RBM11: variants seen among roughly 807,000 people sequenced by gnomAD.
RBM11 encodes the protein RNA binding motif protein 11, also known as splicing regulator RBM11.
A neutral mutation model predicts 21.4 loss-of-function variants in RBM11; 18 were observed. That is an observed-to-expected ratio of 0.84 (90% CI 0.58 to 1.25). The LOEUF (loss-of-function observed/expected upper bound fraction) is 1.25. Among genes scored for constraint, RBM11 ranks in the 50% most tolerant of loss-of-function variants. The probability of loss-of-function intolerance (pLI) is 0.00; values close to 1 mark genes in which losing one functional copy is unlikely to be tolerated. For synonymous variants in RBM11, 120 were observed against 116.3 expected, an observed-to-expected ratio of 1.03 and a Z score of -0.20; for missense variants, 294 against 331.9, an observed-to-expected ratio of 0.89 and a Z score of 0.89.
At chr21:14,220,611 A>G (rs1978589211) in intron 2 of RBM11, among the ~76,000 whole-genome samples, 1 of 152,280 alleles carries the variant, frequency 6.6e-6, no homozygotes, top group East Asian at 1.9e-4. Context: ...GTTAACTTAC[A>G]CAACCTGGTA....
chr21:14,225,746 AT>A (rs1979035310), intron 4 of RBM11, among the ~76,000 whole-genome samples: 1 of 152,120 alleles, frequency 6.6e-6, no homozygotes, highest in Non-Finnish European at 1.5e-5. Flanking sequence ...TCATCGAAGC[AT>A]TTTTTATCTT....
intron 3 of RBM11, among the ~76,000 whole-genome samples, chr21:14,223,154 G>C (rs931514871): frequency 2.4e-4 from 37 of 152,248 alleles, no homozygotes; most frequent in African/African-American, 8.9e-4. Flanking sequence ...AGAGTAGACA[G>C]CCTGAGTTAT....
intron 3 of RBM11, among the ~76,000 whole-genome samples, chr21:14,222,660 GT>G (rs1185761981): frequency 2.0e-5 from 3 of 152,266 alleles, no homozygotes; most frequent in African/African-American, 7.2e-5. Flanking sequence ...GAATTTGCAT[GT>G]TAGCTCTGCC....
At position 14,226,636 on chromosome 21, in the gene RBM11, C is replaced by A. The variant is rs200996909; in HGVS notation, c.433-244C>A. 1.2e-3 allele frequency among the ~76,000 whole-genome samples: 156 copies of A among 134,378 alleles called. 11 individuals are homozygous for A. The highest frequency in any genetic ancestry group is 3.9e-4 in the African/African-American group (14 of 35,996). The allele number at this position is 134,378 out of a possible 152,430, so 88.2% of individuals were successfully genotyped here. ...CCCTGTCTCAAAAAAAAAAAAAAAA[C>A]AAACAAAAACTATTTCCATTGGATA... On this transcript the variant is annotated intron_variant, in intron 4 of 4. Coordinates refer to ENST00000400577, the MANE Select transcript of RBM11 (RefSeq NM_144770.5).
chr21:14,224,044 T>G (rs1472838517), intron 3 of RBM11, among the ~76,000 whole-genome samples: 1 of 152,154 alleles, frequency 6.6e-6, no homozygotes, highest in African/African-American at 2.4e-5. Context: ...GTTTGTTATA[T>G]AATACCAGTT....
At chr21:14,220,770 C>CA (rs886567767) in intron 2 of RBM11, among the ~76,000 whole-genome samples, 1 of 152,110 alleles carries the variant, frequency 6.6e-6, no homozygotes, top group Non-Finnish European at 1.5e-5. Context: ...ACACTGGAAA[C>CA]AAATAACACT....
In RBM11 at chr21:14,224,547, A is replaced by G. The variant is rs1200837075; in HGVS notation, c.432+10A>G. The G allele has an allele frequency of 2.6e-6, 4 of 1,544,252 alleles. No individual in the cohort carries two copies. The highest frequency in any genetic ancestry group is 1.4e-5 in the African/African-American group (1 of 72,592). On this transcript the variant is annotated intron_variant, in intron 4 of 4. Coordinates refer to ENST00000400577, the MANE Select transcript of RBM11 (RefSeq NM_144770.5). The stretch of plus-strand genomic sequence containing the variant: ...TCTCTTTCAGAAGATGGTAAGTTTA[A>G]TATGCATTTTATTTAGTATATAATA...
At chr21:14,225,945 T>A (rs1258684570) in intron 4 of RBM11, among the ~76,000 whole-genome samples, 1 of 152,012 alleles carries the variant, frequency 6.6e-6, no homozygotes, top group Non-Finnish European at 1.5e-5. Context: ...AAGCTGAGTT[T>A]TAAAATTTTA....
intron 1 of RBM11, among the ~76,000 whole-genome samples, chr21:14,216,673 C>T (rs2020453995): frequency 6.6e-6 from 1 of 152,150 alleles, no homozygotes; most frequent in South Asian, 2.1e-4. Flanking sequence ...ATAATGTTTC[C>T]TTTTACACCT....
intron 4 of RBM11, among the ~76,000 whole-genome samples, chr21:14,225,828 T>C (rs1053288965): frequency 2.0e-5 from 3 of 152,124 alleles, no homozygotes; most frequent in African/African-American, 7.2e-5. Flanking sequence ...TTTGAATAGT[T>C]AGAAATTTGA....
In RBM11 at chr21:14,221,109, C is replaced by G. The variant is rs776233714; in HGVS notation, c.272C>G (p.Ser91Cys). The G allele has an allele frequency of 4.4e-6, 7 of 1,578,014 alleles. No homozygotes were observed. The highest frequency in any genetic ancestry group is 1.8e-5 in the Admixed American group (1 of 54,940). Residue 91 changes from serine (S) to cysteine (C), a missense_variant, in exon 3 of 5, where the codon TCT becomes TGT. This residue lies in a region of RBM11 where 181 missense variants were observed against 164.6 expected (regional missense o/e 1.10). Transcript: ENST00000400577. Reference sequence around the variant, plus strand: ...GTTTCTTTCAAAGGGAGTTCTCGCTCTTCTGAACCAGCTAACCAAAGTTTT... The same window carrying G: ...GTTTCTTTCAAAGGGAGTTCTCGCTGTTCTGAACCAGCTAACCAAAGTTTT... The part of the protein sequence containing the change: ...NVQYRFGSSR[S>C]SEPANQSFES...
chr21:14,226,734 C>G, intron 4 of RBM11, 146 bp from the exon 5 acceptor site: 1 of 1,104,012 alleles, frequency 9.1e-7, no homozygotes, highest in Non-Finnish European at 1.3e-6. Flanking sequence ...AAACACCTAC[C>G]TTTCTACTAT....
At chr21:14,223,132 A>G (rs1226752897) in intron 3 of RBM11, among the ~76,000 whole-genome samples, 1 of 152,230 alleles carries the variant, frequency 6.6e-6, no homozygotes, top group African/African-American at 2.4e-5. Context: ...ACCCTAAGTC[A>G]TCACAAATTC....
chr21:14,221,306 G>T, intron 3 of RBM11, 137 bp downstream of exon 3: 2 of 1,073,538 alleles, frequency 1.9e-6, no homozygotes, highest in Non-Finnish European at 2.5e-6. Flanking sequence ...TTTTTTTTCC[G>T]AGCCCATGAA....
At chr21:14,219,369 T>C (rs895054366) in intron 1 of RBM11, among the ~76,000 whole-genome samples, 194 bp from the exon 2 acceptor site, 1 of 152,198 alleles carries the variant, frequency 6.6e-6, no homozygotes, top group Non-Finnish European at 1.5e-5. Flanking sequence ...ACACCATGTA[T>C]GTTTCCCCAA....
In RBM11 at chr21:14,227,346, A is replaced by C. The variant is rs1979194058; in HGVS notation, c.*53A>C. 1 of 1,494,916 alleles carries C rather than the reference A, an allele frequency of 6.7e-7. No homozygotes were observed. Among genetic ancestry groups the C allele is most frequent in the Admixed American group, 2.2e-5 (1 of 45,726 alleles). The allele number at this position is 1,494,916 out of a possible 1,614,324, so 92.6% of individuals were successfully genotyped here. On this transcript the variant is annotated 3_prime_UTR_variant, in exon 5 of 5. Transcript: ENST00000400577. ...ACTGATCTTAGTTCTCTTATGAAAA[A>C]AATAAGATGTTATCCCATCAAATAA...
At chr21:14,220,275 TCTC>T (rs1177486382) in intron 2 of RBM11, among the ~76,000 whole-genome samples, 1 of 152,020 alleles carries the variant, frequency 6.6e-6, no homozygotes, top group Admixed American at 6.6e-5. Flanking sequence ...CTCAACAACT[TCTC>T]CTGCACGCAT....
At chr21:14,221,524 G>A (rs1299909636) in intron 3 of RBM11, 1 of 159,338 alleles carries the variant, frequency 6.3e-6, no homozygotes, top group Admixed American at 6.5e-5. Flanking sequence ...AAGTTAACCA[G>A]TTCTTAAGGT....
chr21:14,227,516 C>A lies in RBM11; in HGVS notation c.*223C>A. ...TTTGTATTTGTCATGATATTTTTGACCCATTGGCAACAAATAGACTATTGT... is the reference window on the plus strand; with the variant it reads ...TTTGTATTTGTCATGATATTTTTGAACCATTGGCAACAAATAGACTATTGT... On this transcript the variant is annotated 3_prime_UTR_variant, in exon 5 of 5. Coordinates refer to ENST00000400577, the MANE Select transcript of RBM11 (RefSeq NM_144770.5). The A allele has an allele frequency of 1.9e-6, 1 of 521,242 alleles. No homozygotes were observed. Among genetic ancestry groups the A allele is most frequent in the African/African-American group, 1.9e-5 (1 of 51,678 alleles). 32.3% of individuals were successfully genotyped at this position (521,242 alleles called of 1,614,324 possible). A position where few individuals can be genotyped will look rare whatever the true frequency, so the allele number is the denominator to read the frequency against.
Sources: allele counts gnomAD v4.1 joint callset (sites outside exome capture counted in the v4.1 genomes callset), GRCh38; gene constraint gnomAD v4.1.1; regional missense constraint gnomAD v4.1.1; transcripts MANE v1.5; gene names NCBI Gene and HGNC (gene_info 2026-07-23, HGNC 2026-07-21).